Variants in CNBD1 observed in about 807,000 individuals in gnomAD.
CNBD1 encodes cyclic nucleotide binding domain containing 1, also known as cyclic nucleotide-binding domain-containing protein 1.
CNBD1 carries 71 observed loss-of-function variants against 54.4 expected under a neutral mutation model. The observed-to-expected ratio is 1.30, with a 90% CI of 1.08 to 1.59. The LOEUF is 1.59. Among genes scored for constraint, CNBD1 ranks in the 40% most tolerant of loss-of-function variants. The pLI is 0.00. For missense variants in CNBD1, 659 were observed against 518.0 expected (o/e 1.27, Z -2.64); for synonymous variants, 182 against 170.7 (o/e 1.07, Z -0.51).
chr8:86,995,689 G>GGT (rs5893006), intron 4 of CNBD1, among the ~76,000 whole-genome samples: 2,309 of 149,516 alleles, frequency 0.015, 57 homozygotes, highest in African/African-American at 0.05. Context: ...GTGTATGGGT[G>GGT]GTGTGTGTGT....
chr8:86,885,452 G>A (rs1257282291), intron 1 of CNBD1, among the ~76,000 whole-genome samples: 1 of 151,964 alleles, frequency 6.6e-6, no homozygotes, highest in African/African-American at 2.4e-5. Flanking sequence ...GTGTTATAGG[G>A]TTAAGTCTTT....
chr8:87,261,862 T>C (rs1430345850), intron 6 of CNBD1, among the ~76,000 whole-genome samples: 1 of 151,836 alleles, frequency 6.6e-6, no homozygotes, highest in South Asian at 2.1e-4. Context: ...AAATGCAACA[T>C]AGGCCAGGTG....
chr8:87,387,566 C>G (rs149994369), downstream of CNBD1, among the ~76,000 whole-genome samples: 2,852 of 152,166 alleles, frequency 0.019, 87 homozygotes, highest in African/African-American at 0.062. Flanking sequence ...CTATCCTAAA[C>G]ATATATGCAC....
intron 4 of CNBD1, among the ~76,000 whole-genome samples, chr8:86,987,121 C>A (rs753172760): frequency 2.0e-5 from 3 of 152,044 alleles, no homozygotes; most frequent in Non-Finnish European, 2.9e-5. Context: ...ATTTTAATAA[C>A]ATTGATTTTT....
intron 4 of CNBD1, 135 bp downstream of exon 4, chr8:86,939,889 A>G: frequency 1.9e-6 from 1 of 528,258 alleles, no homozygotes. Flanking sequence ...GGAGAGATGG[A>G]CACACTGGAG....
At chr8:87,009,426 G>A (rs1174331106) in intron 4 of CNBD1, among the ~76,000 whole-genome samples, 11 of 151,756 alleles carry the variant, frequency 7.2e-5, no homozygotes, top group Admixed American at 6.6e-4. Flanking sequence ...TCAGCCTCCC[G>A]AGTAACTGAG....
intron 4 of CNBD1, among the ~76,000 whole-genome samples, chr8:87,159,763 T>G (rs945791559): frequency 2.0e-5 from 3 of 152,146 alleles, no homozygotes; most frequent in African/African-American, 7.2e-5. Flanking sequence ...TGCCAGTTCT[T>G]GGGTCTGCAT....
intron 4 of CNBD1, among the ~76,000 whole-genome samples, chr8:87,058,963 C>T (rs1454882276): frequency 6.6e-6 from 1 of 152,148 alleles, no homozygotes; most frequent in East Asian, 1.9e-4. Context: ...ATTTTATGCT[C>T]TGTCACCTCT....
Position 87,169,470 on chromosome 8 carries a change from G to T in CNBD1, c.432-36523G>T, listed in dbSNP as rs556321298. 3.3e-5 allele frequency among the ~76,000 whole-genome samples: 5 copies of T among 152,098 alleles called. No homozygotes were observed. The East Asian group carries it at 9.7e-4, about 29-fold the overall frequency. The stretch of plus-strand genomic sequence containing the variant: ...ACTGTCCTCGTGGGGTATTACTCAA[G>T]AAATCTTCGCCCACCCTAACCTCCT... On this transcript the variant is annotated intron_variant, in intron 4 of 10. Transcript: ENST00000518476.
intron 8 of CNBD1, among the ~76,000 whole-genome samples, chr8:87,337,655 CCA>C (rs1443414956): frequency 6.6e-6 from 1 of 152,304 alleles, no homozygotes; most frequent in South Asian, 2.1e-4. Context: ...TGTGGAAAAA[CCA>C]CAGTTTTCCA....
intron 4 of CNBD1, among the ~76,000 whole-genome samples, chr8:87,118,045 G>A (rs1423897008): frequency 2.0e-5 from 3 of 152,080 alleles, no homozygotes; most frequent in African/African-American, 7.2e-5. Context: ...GCTGGGCACG[G>A]TGCCTCACAC....
chr8:87,031,462 A>G (rs1040112650), intron 4 of CNBD1, among the ~76,000 whole-genome samples: 1 of 152,176 alleles, frequency 6.6e-6, no homozygotes, highest in African/African-American at 2.4e-5. Flanking sequence ...ATTAGTGGCT[A>G]GAATTGAGAG....
chr8:86,947,765 C>T (rs1375033544), intron 4 of CNBD1, among the ~76,000 whole-genome samples: 1 of 152,094 alleles, frequency 6.6e-6, no homozygotes, highest in African/African-American at 2.4e-5. Context: ...GTGTTACAAA[C>T]ATTCCAATTA....
At chr8:87,077,412 C>CTTTTTTTTTTTTTTTTTT (rs374931620) in intron 4 of CNBD1, among the ~76,000 whole-genome samples, 2 of 129,588 alleles carry the variant, frequency 1.5e-5, no homozygotes, top group African/African-American at 2.9e-5. Flanking sequence ...TCTTCTTCTT[C>CTTTTTTTTTTTTTTTTTT]TTTTTTTTTT....
chr8:86,995,905 A>G (rs529203837), intron 4 of CNBD1, among the ~76,000 whole-genome samples: 1 of 152,352 alleles, frequency 6.6e-6, no homozygotes, highest in Non-Finnish European at 1.5e-5. Context: ...ATTGGACAAC[A>G]GTAGAAGTAT....
chr8:87,402,541 C>T (rs575861982), intron 2 of CNBD1, among the ~76,000 whole-genome samples: 5 of 152,024 alleles, frequency 3.3e-5, no homozygotes, highest in South Asian at 4.1e-4. Flanking sequence ...ACATAAGGAC[C>T]GAGCATGAGC....
chr8:87,071,591 C>A (rs112511574), intron 4 of CNBD1, among the ~76,000 whole-genome samples: 9 of 152,150 alleles, frequency 5.9e-5, no homozygotes, highest in African/African-American at 1.9e-4. Context: ...TAACAGATTT[C>A]AATGGAGGTG....
chr8:86,931,901 T>C (rs895517645), intron 3 of CNBD1, among the ~76,000 whole-genome samples: 41 of 152,210 alleles, frequency 2.7e-4, no homozygotes, highest in Admixed American at 1.3e-4. Flanking sequence ...GTGGACATCA[T>C]TGAATAATTC....
chr8:87,202,581 C>T (rs1450605995), intron 4 of CNBD1, among the ~76,000 whole-genome samples: 2 of 152,140 alleles, frequency 1.3e-5, no homozygotes, highest in Non-Finnish European at 2.9e-5. Context: ...TGAGCGTATG[C>T]ACCAATTACG....
Sources: gnomAD v4.1 joint callset for allele counts (sites outside exome capture counted in the v4.1 genomes callset) on GRCh38, gnomAD v4.1.1 for gene constraint, MANE v1.5 for transcripts, NCBI Gene and HGNC (gene_info 2026-07-23, HGNC 2026-07-21) for gene names.